The following FMN1 variants were observed in gnomAD, a reference collection of about 807,000 sequenced individuals.
FMN1 encodes the protein formin 1.
FMN1 carries 110 observed loss-of-function variants against 132.4 expected under a neutral mutation model. The ratio of observed to expected loss-of-function variants is 0.83; its 90% confidence interval spans 0.71 to 0.97. The LOEUF (loss-of-function observed/expected upper bound fraction) is 0.97, where lower values mean the gene tolerates loss of function less well. Ranked by LOEUF, FMN1 falls within the 50% of genes least tolerant of loss-of-function variation. The pLI is 0.00. For missense variants in FMN1, 1,792 were observed against 1,705.3 expected, an observed-to-expected ratio of 1.05 and a Z score of -0.90; for synonymous variants, 722 against 651.7, an observed-to-expected ratio of 1.11 and a Z score of -1.64.
rs1964525836 is a variant in FMN1, at chr15:33,153,319, C to G, written c.1596G>C (p.Gln532His). 1 of 1,536,226 alleles carries G rather than the reference C, an allele frequency of 6.5e-7. No homozygotes were observed. Among genetic ancestry groups the G allele is most frequent in the Admixed American group, 2.0e-5 (1 of 50,984 alleles). Reference sequence around the variant, plus strand: ...GGAGCCGGAGGATCCTGTGATGCTGCTGAGGGCTGGGGAGCCTTGGAGACA... The same window carrying G: ...GGAGCCGGAGGATCCTGTGATGCTGGTGAGGGCTGGGGAGCCTTGGAGACA... ...SPLSPRLPSP[Q>H]QHHRILRLPA... The change falls in exon 4 of 21, where the codon CAG becomes CAC. Residue 532 changes from glutamine (Q) to histidine (H), a missense_variant. Gln to His is a conservative substitution (Grantham distance 24). Around this residue, in one of 3 missense-constraint regions of FMN1, gnomAD observed 4 missense variants for 17.0 expected, o/e 0.24. Transcript: ENST00000616417.
chr15:33,049,576 A>T (rs1316466677), intron 6 of FMN1, among the ~76,000 whole-genome samples: 1 of 152,236 alleles, frequency 6.6e-6, no homozygotes, highest in Non-Finnish European at 1.5e-5. Flanking sequence ...TGACCAAAAG[A>T]GGGGAATTGT....
intron 3 of FMN1, among the ~76,000 whole-genome samples, chr15:33,177,400 A>C (rs369652988): frequency 6.6e-6 from 1 of 152,164 alleles, no homozygotes; most frequent in East Asian, 1.9e-4. Flanking sequence ...GCAAACTAAG[A>C]AAAAAGCAGT....
At chr15:32,983,545 ATAT>A (rs2032848428) in intron 7 of FMN1, among the ~76,000 whole-genome samples, 1 of 152,214 alleles carries the variant, frequency 6.6e-6, no homozygotes, top group African/African-American at 2.4e-5. Context: ...TTAAAGATTG[ATAT>A]TATAAGTGAA....
At chr15:32,937,175 T>A (rs1312239075) in intron 9 of FMN1, among the ~76,000 whole-genome samples, 1 of 152,170 alleles carries the variant, frequency 6.6e-6, no homozygotes. Context: ...TCATCTTTCT[T>A]CTCAGTGGTT....
At chr15:32,880,132 C>T (rs1188685606) in intron 16 of FMN1, among the ~76,000 whole-genome samples, 1 of 151,486 alleles carries the variant, frequency 6.6e-6, no homozygotes, top group Non-Finnish European at 1.5e-5. Context: ...TTCCATCACC[C>T]CAATATAGCA....
At chr15:33,033,669 GT>G (rs59822207) in intron 6 of FMN1, among the ~76,000 whole-genome samples, 6,723 of 57,418 alleles carry the variant, frequency 0.12, 505 homozygotes, top group African/African-American at 0.33. Context: ...CTACCTCATG[GT>G]TTTTTTTTTT....
At chr15:32,841,225 T>A (rs922091688) in intron 17 of FMN1, among the ~76,000 whole-genome samples, 3 of 152,220 alleles carry the variant, frequency 2.0e-5, no homozygotes, top group African/African-American at 7.2e-5. Flanking sequence ...CCATTTAATA[T>A]GTTTGAGAAA....
chr15:33,124,720 AG>A (rs1236386063), intron 4 of FMN1, among the ~76,000 whole-genome samples: 1 of 152,048 alleles, frequency 6.6e-6, no homozygotes, highest in Non-Finnish European at 1.5e-5. Flanking sequence ...CTGGAAGGAG[AG>A]GGAGGAAATC....
chr15:32,882,736 TA>T (rs941818492), intron 16 of FMN1, among the ~76,000 whole-genome samples: 2 of 151,738 alleles, frequency 1.3e-5, no homozygotes, highest in Non-Finnish European at 1.5e-5. Context: ...CACTTACATT[TA>T]AAAAAAAACC....
chr15:33,166,341 G>A (rs1965108467), intron 3 of FMN1, among the ~76,000 whole-genome samples: 1 of 147,856 alleles, frequency 6.8e-6, no homozygotes, highest in Admixed American at 6.7e-5. Context: ...TTTTTTTAAA[G>A]AAAGACCAAT....
intron 6 of FMN1, among the ~76,000 whole-genome samples, chr15:33,055,513 C>G (rs1286236142): frequency 3.3e-5 from 5 of 151,878 alleles, no homozygotes; most frequent in Non-Finnish European, 4.4e-5. Context: ...AACAGTGGAA[C>G]AGAATACAGC....
At chr15:32,949,508 G>C (rs111972334) in intron 9 of FMN1, among the ~76,000 whole-genome samples, 2 of 151,964 alleles carry the variant, frequency 1.3e-5, no homozygotes, top group Admixed American at 6.6e-5. Context: ...ATATGGAGAA[G>C]ACTGAAAGTG....
chr15:33,190,719 T>C (rs1396418319), intron 2 of FMN1, among the ~76,000 whole-genome samples: 1 of 152,188 alleles, frequency 6.6e-6, no homozygotes, highest in African/African-American at 2.4e-5. Flanking sequence ...CTGGAAGGCC[T>C]GTGGCAGGGG....
chr15:32,966,705 A>T (rs1438498972), intron 8 of FMN1, among the ~76,000 whole-genome samples: 1 of 152,214 alleles, frequency 6.6e-6, no homozygotes, highest in Non-Finnish European at 1.5e-5. Flanking sequence ...TAATGCTGAA[A>T]ATTCACATTT....
At chr15:32,823,831 C>T (rs956853447) in intron 17 of FMN1, among the ~76,000 whole-genome samples, 17 of 152,300 alleles carry the variant, frequency 1.1e-4, no homozygotes, top group Middle Eastern at 3.4e-3. Flanking sequence ...CAGAATGCTT[C>T]GTGGGTAACT....
intron 6 of FMN1, among the ~76,000 whole-genome samples, chr15:33,047,947 T>C (rs879805659): frequency 2.6e-5 from 4 of 152,140 alleles, no homozygotes; most frequent in Non-Finnish European, 4.4e-5. Context: ...TGAGTAGTTA[T>C]ATATATATGT....
chr15:32,804,610 C>T (rs988457932), intron 17 of FMN1, among the ~76,000 whole-genome samples: 1 of 151,838 alleles, frequency 6.6e-6, no homozygotes, highest in Non-Finnish European at 1.5e-5. Flanking sequence ...GTTTGCTGCA[C>T]CCATCGACTC....
intron 19 of FMN1, among the ~76,000 whole-genome samples, chr15:32,779,039 T>C (rs1226331077): frequency 1.3e-5 from 2 of 152,172 alleles, no homozygotes; most frequent in Admixed American, 6.5e-5. Flanking sequence ...AAAAACATTG[T>C]GCTAAGTGAA....
rs1273958482 is a variant in FMN1 at position 32,954,052 on chromosome 15, G to A, written c.3138+10055C>T. Among the ~76,000 whole-genome samples, 3 of 152,156 alleles carry A rather than the reference G, an allele frequency of 2.0e-5. No individual in the cohort carries two copies. The East Asian group carries it at 5.8e-4, about 29-fold the overall frequency. ...GTTAGGTATAGAAGTTAAGGTCAGA[G>A]GGGTTACATGACTGGACATACAACA... On this transcript the variant is annotated intron_variant, in intron 9 of 20. Transcript: ENST00000616417.
Sources: gnomAD v4.1 joint callset for allele counts (sites outside exome capture counted in the v4.1 genomes callset) on GRCh38, gnomAD v4.1.1 for gene constraint, gnomAD v4.1.1 regional missense constraint, MANE v1.5 for transcripts, NCBI Gene and HGNC (gene_info 2026-07-23, HGNC 2026-07-21) for gene names.